Variants in CHD1L observed in about 807,000 individuals in gnomAD.
The protein encoded by CHD1L is chromodomain helicase DNA binding protein 1 like.
CHD1L carries 118 observed loss-of-function variants against 115.9 expected under a neutral mutation model. The observed-to-expected ratio is 1.02, with a 90% CI of 0.88 to 1.19. The LOEUF (loss-of-function observed/expected upper bound fraction) is 1.19, where lower values mean the gene tolerates loss of function less well. Ranked by LOEUF, CHD1L falls within the 50% of genes most tolerant of loss-of-function variation. The probability of loss-of-function intolerance (pLI) is 0.00; values close to 1 mark genes in which losing one functional copy is unlikely to be tolerated. For missense variants in CHD1L, 1,179 were observed against 1,065.3 expected (o/e 1.11, Z -1.49); for synonymous variants, 411 against 387.1 (o/e 1.06, Z -0.72).
At chr1:147,204,769 A>AT in the CHD1L span, 11 of 1,566,710 alleles carry the variant, frequency 7.0e-6, no homozygotes, top group East Asian at 4.5e-5. Context: ...GTTGATAACC[A>AT]TTTTTTTCAT....
chr1:147,275,299 T>A, intron 12 of CHD1L, 55 bp from the exon 13 acceptor site: 1 of 1,345,214 alleles, frequency 7.4e-7, no homozygotes, highest in Non-Finnish European at 1.1e-6. Flanking sequence ...TGTGCTTATT[T>A]TCTAGCTCCT....
At chr1:147,283,709 C>T (rs1553963400) in intron 15 of CHD1L, among the ~76,000 whole-genome samples, 1 of 152,114 alleles carries the variant, frequency 6.6e-6, no homozygotes, top group Non-Finnish European at 1.5e-5. Flanking sequence ...ATCTCTCCAC[C>T]CTTCTAGAGA....
chr1:147,270,520 T>C lies in CHD1L; in HGVS notation c.1086-412T>C, dbSNP rs782035126. 0.017 allele frequency among the ~76,000 whole-genome samples: 50 copies of C among 2,860 alleles called. 1 individual carries two copies. In the Middle Eastern group the frequency reaches 0.38, roughly 21 times the overall value. The allele number at this position is 2,860 out of a possible 152,430, so 1.9% of individuals were successfully genotyped here. On this transcript the variant is annotated intron_variant, in intron 10 of 22. Coordinates refer to ENST00000369258, the MANE Select transcript of CHD1L (RefSeq NM_004284.6). Reference sequence around the variant, plus strand: ...TCTTCAGAGTCTCCAGTTTTTCTTTTCTTTTTTTTTGTGTGTGTATTTGAA... The same window carrying C: ...TCTTCAGAGTCTCCAGTTTTTCTTTCCTTTTTTTTTGTGTGTGTATTTGAA...
chr1:147,194,635 G>T, the CHD1L span, among the ~76,000 whole-genome samples: 4 of 152,142 alleles, frequency 2.6e-5, no homozygotes, highest in African/African-American at 9.7e-5. Context: ...TGTTTTTGCA[G>T]TGGCTGGTAC....
intron 2 of CHD1L, among the ~76,000 whole-genome samples, chr1:147,254,167 T>G (rs1370982044): frequency 6.6e-6 from 1 of 152,240 alleles, no homozygotes; most frequent in Non-Finnish European, 1.5e-5. Flanking sequence ...AAGTGTGTAC[T>G]AGAATCTTCT....
the CHD1L span, chr1:147,184,318 A>G: frequency 4.8e-6 from 3 of 626,884 alleles, no homozygotes; most frequent in Non-Finnish European, 7.0e-6. This position sits in a 1 kb window ranked among gnomAD's most constrained non-coding sequence, Gnocchi z 4.4. Context: ...CCCACATCCA[A>G]TTTCCTTTAT....
chr1:147,244,971 A>T (rs1666120048), intron 1 of CHD1L, among the ~76,000 whole-genome samples: 1 of 152,228 alleles, frequency 6.6e-6, no homozygotes, highest in African/African-American at 2.4e-5. Flanking sequence ...TGAGAAGTTA[A>T]TATGCTATCG....
Position 147,291,533 on chromosome 1 carries a change from G to A in CHD1L, c.2372G>A (p.Arg791Lys). 6.2e-7 allele frequency: 1 copy of A among 1,613,850 alleles called. No individual in the cohort carries two copies. The highest frequency in any genetic ancestry group is 8.5e-7 in the Non-Finnish European group (1 of 1,179,812). The part of the protein sequence containing the change: ...LLFPVDDKES[R>K]NKGQDLLALI... ...TTTCCTGTTGATGATAAAGAATCAA[G>A]AAACAAAGGGCAAGATTTGGTAAGT... The change falls in exon 20 of 23, where the codon AGA becomes AAA. Residue 791 changes from arginine (R) to lysine (K), a missense_variant. Physicochemically the swap from Arg to Lys is conservative, Grantham distance 26 (BLOSUM62 2). Coordinates refer to ENST00000369258, the MANE Select transcript of CHD1L (RefSeq NM_004284.6).
chr1:147,186,828 A>C, the CHD1L span: 122 of 1,526,226 alleles, frequency 8.0e-5, 1 homozygote, highest in African/African-American at 1.3e-3. Flanking sequence ...ACTGAGAGTC[A>C]ATCTCGTCAG....
chr1:147,271,947 C>A (rs1340753554), intron 11 of CHD1L, among the ~76,000 whole-genome samples: 2 of 152,164 alleles, frequency 1.3e-5, no homozygotes, highest in East Asian at 3.8e-4. Flanking sequence ...ACTTCAACTG[C>A]ATGTATTTAA....
the CHD1L span, among the ~76,000 whole-genome samples, chr1:147,228,905 A>ATTAG: frequency 6.6e-6 from 1 of 152,214 alleles, no homozygotes; most frequent in East Asian, 1.9e-4. Flanking sequence ...GATTCTGGAT[A>ATTAG]TTAGCCCTTT....
At chr1:147,243,013 C>G in intron 1 of CHD1L, 183 bp downstream of exon 1, 4 of 692,986 alleles carry the variant, frequency 5.8e-6, no homozygotes, top group African/African-American at 1.9e-5. Flanking sequence ...ACGGCCCCCG[C>G]CTGCGCGGCG....
At chr1:147,275,764 G>A (rs1678155639) in intron 13 of CHD1L, among the ~76,000 whole-genome samples, 1 of 143,720 alleles carries the variant, frequency 7.0e-6, no homozygotes, top group African/African-American at 2.6e-5. Context: ...ATGGGGTTAT[G>A]GGGCTATGGA....
At chr1:147,283,923 T>C (rs1201095518) in intron 15 of CHD1L, among the ~76,000 whole-genome samples, 1 of 152,238 alleles carries the variant, frequency 6.6e-6, no homozygotes, top group Admixed American at 6.5e-5. Context: ...TCCAAGGGAT[T>C]ATTTTTGTGA....
chr1:147,182,922 G>A, the CHD1L span, among the ~76,000 whole-genome samples: 9 of 152,290 alleles, frequency 5.9e-5, no homozygotes, highest in African/African-American at 1.7e-4. Context: ...ATACCAGGCC[G>A]GGCGTGGTGG....
chr1:147,288,308 G>A (rs1684057666), intron 19 of CHD1L, among the ~76,000 whole-genome samples: 3 of 109,744 alleles, frequency 2.7e-5, no homozygotes, highest in South Asian at 3.2e-4. Flanking sequence ...CTGAGTGAGA[G>A]TGAGACCCTG....
intron 15 of CHD1L, among the ~76,000 whole-genome samples, chr1:147,281,109 C>T (rs1025022733): frequency 2.6e-5 from 4 of 152,176 alleles, no homozygotes; most frequent in Non-Finnish European, 5.9e-5. Flanking sequence ...GATGTCTTCC[C>T]ACTTCTAAGT....
In CHD1L at chr1:147,286,444, G is replaced by A. The variant is rs1356531830; in HGVS notation, c.2165G>A (p.Gly722Asp). Residue 722 changes from glycine (G) to aspartate (D), a missense_variant, in exon 18 of 23, where the codon GGT (glycine) becomes GAT (aspartate). Gly to Asp is a moderately conservative substitution (Grantham distance 94). Coordinates refer to ENST00000369258, the MANE Select transcript of CHD1L (RefSeq NM_004284.6). ...GCTACTTCCCTCAAGTACGTTAGTGGTGATGTCACCCACCCTCAGGCTGGG... is the reference window on the plus strand; with the variant it reads ...GCTACTTCCCTCAAGTACGTTAGTGATGATGTCACCCACCCTCAGGCTGGG... ...PDATSLKYVS[G>D]DVTHPQAGAE... The A allele has an allele frequency of 6.2e-7, 1 of 1,613,992 alleles. No individual in the cohort carries two copies. The highest frequency in any genetic ancestry group is 1.3e-5 in the African/African-American group (1 of 74,922).
chr1:147,272,326 T>G lies in CHD1L; in HGVS notation c.1270+45T>G, dbSNP rs190456667. 33 of 1,298,412 alleles carry G rather than the reference T, an allele frequency of 2.5e-5. No individual in the cohort carries two copies. In the East Asian group the frequency reaches 6.9e-4, roughly 27 times the overall value. The allele number at this position is 1,298,412 out of a possible 1,614,324, so 80.4% of individuals were successfully genotyped here. A position where few individuals can be genotyped will look rare whatever the true frequency, so the allele number is the denominator to read the frequency against. On this transcript the variant is annotated intron_variant, in intron 12 of 22. Transcript: ENST00000369258. ...ATGGAAACAGACAAATGAGGGATAA[T>G]AGAGTACTATTACATCCCAACGGTT...
Sources: gnomAD v4.1 joint callset for allele counts (sites outside exome capture counted in the v4.1 genomes callset) on GRCh38, gnomAD v4.1.1 for gene constraint, Gnocchi (gnomAD v3.1) non-coding constraint, MANE v1.5 for transcripts, NCBI Gene and HGNC (gene_info 2026-07-23, HGNC 2026-07-21) for gene names.